Variants in ARL15 observed in about 807,000 individuals in gnomAD.
ARL15 encodes the protein ARF like GTPase 15, also known as ADP-ribosylation factor-like protein 15.
Under a neutral mutation model 25.2 loss-of-function variants are expected in ARL15, and 19 were observed. The observed-to-expected ratio is 0.75, with a 90% CI of 0.53 to 1.10. The LOEUF (loss-of-function observed/expected upper bound fraction) is 1.10, where lower values mean the gene tolerates loss of function less well. Among genes scored for constraint, ARL15 ranks in the 50% least tolerant of loss-of-function variants. ARL15 has a pLI of 0.00. For missense variants in ARL15, 220 were observed against 246.0 expected, an observed-to-expected ratio of 0.89 and a Z score of 0.71; for synonymous variants, 94 against 86.8, an observed-to-expected ratio of 1.08 and a Z score of -0.46.
chr5:54,000,577 A>G (rs1353911611), intron 4 of ARL15, among the ~76,000 whole-genome samples: 1 of 152,168 alleles, frequency 6.6e-6, no homozygotes, highest in Non-Finnish European at 1.5e-5. Context: ...ATCCTGCACT[A>G]AAGTTTAACA....
chr5:53,975,725 G>A (rs1362208946), intron 4 of ARL15, among the ~76,000 whole-genome samples: 1 of 152,194 alleles, frequency 6.6e-6, no homozygotes, highest in Non-Finnish European at 1.5e-5. Context: ...TCTGGGGAAG[G>A]ACCAAAGCCA....
At chr5:54,073,466 T>G (rs909505326) in intron 4 of ARL15, among the ~76,000 whole-genome samples, 4 of 152,322 alleles carry the variant, frequency 2.6e-5, no homozygotes, top group African/African-American at 9.6e-5. Context: ...TGTTGTGGGA[T>G]GTACTGACAT....
chr5:54,220,441 C>G (rs1756341676), intron 1 of ARL15, among the ~76,000 whole-genome samples: 1 of 152,154 alleles, frequency 6.6e-6, no homozygotes, highest in South Asian at 2.1e-4. Flanking sequence ...CTTTATTCAG[C>G]TGGTTTCTCC....
chr5:54,193,748 T>C (rs1227674976), intron 1 of ARL15, among the ~76,000 whole-genome samples: 1 of 146,908 alleles, frequency 6.8e-6, no homozygotes, highest in Admixed American at 6.9e-5. Context: ...TTTCCAGAAC[T>C]GTAACTACTT....
At chr5:53,994,247 T>A (rs1468339224) in intron 4 of ARL15, among the ~76,000 whole-genome samples, 1 of 152,194 alleles carries the variant, frequency 6.6e-6, no homozygotes, top group African/African-American at 2.4e-5. Context: ...AGAAGCCTTC[T>A]CCAGTGCCAA....
At chr5:54,112,361 C>T (rs1752767145) in intron 4 of ARL15, among the ~76,000 whole-genome samples, 1 of 152,066 alleles carries the variant, frequency 6.6e-6, no homozygotes, top group South Asian at 2.1e-4. Context: ...CTTGGCTCCT[C>T]ATTTATTTTT....
intron 1 of ARL15, among the ~76,000 whole-genome samples, chr5:54,238,049 G>A (rs1056024937): frequency 1.8e-4 from 27 of 152,174 alleles, no homozygotes; most frequent in African/African-American, 6.5e-4. Context: ...TTTAGGGGCA[G>A]GGAAGAGCAT....
At chr5:54,164,115 T>C (rs919210215) in intron 2 of ARL15, among the ~76,000 whole-genome samples, 41 of 152,080 alleles carry the variant, frequency 2.7e-4, no homozygotes, top group African/African-American at 9.9e-4. Flanking sequence ...ATTTCTCTTT[T>C]GCTACCTTCT....
chr5:54,305,036 G>A (rs1255530798), intron 1 of ARL15, among the ~76,000 whole-genome samples: 1 of 151,972 alleles, frequency 6.6e-6, no homozygotes, highest in African/African-American at 2.4e-5. Flanking sequence ...CCTGCAAATG[G>A]TGACAGATTT....
In ARL15 at chr5:53,959,870, C is replaced by G. The variant is rs1278808482; in HGVS notation, c.463-73157G>C. ...CTATCATAGGATACATTTTACTTTG[C>G]TATCTTGTTTACTTTTTTTTTCCCT... On this transcript the variant is annotated intron_variant, in intron 4 of 4. Transcript: ENST00000504924. 2.0e-5 allele frequency among the ~76,000 whole-genome samples: 3 copies of G among 152,076 alleles called. No homozygotes were observed. In the East Asian group the frequency reaches 5.8e-4, roughly 29 times the overall value.
At chr5:53,964,507 C>A (rs1051525990) in intron 4 of ARL15, among the ~76,000 whole-genome samples, 2 of 152,006 alleles carry the variant, frequency 1.3e-5, no homozygotes, top group Non-Finnish European at 2.9e-5. Flanking sequence ...CTACAGGCGC[C>A]CACCACCATG....
At chr5:54,204,220 G>C (rs1755800905) in intron 1 of ARL15, among the ~76,000 whole-genome samples, 1 of 152,100 alleles carries the variant, frequency 6.6e-6, no homozygotes, top group Non-Finnish European at 1.5e-5. Context: ...ATAACAGTGA[G>C]GGTGAAGACA....
chr5:53,958,340 G>A (rs1007338092), intron 4 of ARL15, among the ~76,000 whole-genome samples: 7 of 152,236 alleles, frequency 4.6e-5, no homozygotes, highest in South Asian at 2.1e-4. Context: ...ATGCTGTTAC[G>A]TTGGTATCAA....
chr5:54,078,267 G>C (rs1202486468), intron 4 of ARL15, among the ~76,000 whole-genome samples: 1 of 152,116 alleles, frequency 6.6e-6, no homozygotes, highest in Non-Finnish European at 1.5e-5. Context: ...TTTTGCTTAG[G>C]ATATACGTTG....
intron 1 of ARL15, among the ~76,000 whole-genome samples, chr5:54,236,605 C>T (rs923565893): frequency 1.3e-5 from 2 of 152,162 alleles, no homozygotes; most frequent in African/African-American, 4.8e-5. Context: ...GTAGATGGAG[C>T]AGACTGGCCA....
chr5:54,080,012 CACACAG>C (rs1389096316), intron 4 of ARL15, among the ~76,000 whole-genome samples: 8 of 134,556 alleles, frequency 5.9e-5, no homozygotes, highest in South Asian at 4.5e-4. Flanking sequence ...CACACACACA[CACACAG>C]ACACAGATGT....
chr5:54,238,840 T>C (rs1010650425), intron 1 of ARL15, among the ~76,000 whole-genome samples: 1 of 152,198 alleles, frequency 6.6e-6, no homozygotes, highest in Non-Finnish European at 1.5e-5. Context: ...GTCAAAGGTT[T>C]GGGGCCTGAT....
intron 4 of ARL15, among the ~76,000 whole-genome samples, chr5:54,110,416 T>C (rs143825551): frequency 8.1e-4 from 123 of 152,154 alleles, no homozygotes; most frequent in South Asian, 5.0e-3. Flanking sequence ...AAACATAAAA[T>C]GTAATAATTT....
chr5:54,070,898 A>G (rs1051929671), intron 4 of ARL15, among the ~76,000 whole-genome samples: 1 of 151,874 alleles, frequency 6.6e-6, no homozygotes, highest in South Asian at 2.1e-4. Flanking sequence ...GCCAGGTGCA[A>G]TGGCTCATGT....
Sources: allele counts gnomAD v4.1 joint callset (sites outside exome capture counted in the v4.1 genomes callset), GRCh38; gene constraint gnomAD v4.1.1; transcripts MANE v1.5; gene names NCBI Gene and HGNC (gene_info 2026-07-23, HGNC 2026-07-21).